The following RORA variants were observed in gnomAD, a reference collection of about 807,000 sequenced individuals.
The protein encoded by RORA is RAR related orphan receptor A.
In RORA, 7 loss-of-function variants were observed where a neutral mutation model predicts 69.5. That is an observed-to-expected ratio of 0.10 (90% CI 0.06 to 0.19). The LOEUF (loss-of-function observed/expected upper bound fraction) is 0.19. RORA is among the 10% of genes least tolerant of loss of function. The pLI, the probability that RORA is intolerant of heterozygous loss-of-function variation, is 1.00. For synonymous variants in RORA, 261 were observed against 240.8 expected, an observed-to-expected ratio of 1.08 and a Z score of -0.78; for missense variants, 457 against 663.0, an observed-to-expected ratio of 0.69 and a Z score of 3.41.
chr15:60,523,834 G>A lies in RORA; in HGVS notation c.282+7932C>T, dbSNP rs143274473. Among the ~76,000 whole-genome samples, 953 of 152,264 alleles carry A rather than the reference G, an allele frequency of 6.3e-3. 11 individuals carry two copies. Among genetic ancestry groups the A allele is most frequent in the Middle Eastern group, 0.034 (10 of 294 alleles). ...CCACAGGTGTATGCCATCATGCCTG[G>A]CTAATTTTTAAATTTTTTGTAGAGG... is the stretch of plus-strand genomic sequence containing the variant. On this transcript the variant is annotated intron_variant, in intron 3 of 10. Transcript: ENST00000335670.
chr15:61,027,622 C>T (rs28475255), intron 1 of RORA, among the ~76,000 whole-genome samples: 10,396 of 152,172 alleles, frequency 0.068, 383 homozygotes, highest in East Asian at 0.15. Flanking sequence ...GTCCTCTGCT[C>T]TGTTACAACA....
At chr15:61,037,924 C>T (rs1220441428) in intron 1 of RORA, among the ~76,000 whole-genome samples, 1 of 152,100 alleles carries the variant, frequency 6.6e-6, no homozygotes, top group Non-Finnish European at 1.5e-5. Context: ...TAAGGCAAGC[C>T]TATGAAATTG....
At chr15:60,988,018 C>T (rs972747484) in intron 1 of RORA, among the ~76,000 whole-genome samples, 3 of 152,218 alleles carry the variant, frequency 2.0e-5, no homozygotes, top group African/African-American at 7.2e-5. Context: ...GCTTGGCCTG[C>T]TGTCCCCTGG....
chr15:61,108,033 C>T (rs1045103839), intron 1 of RORA, among the ~76,000 whole-genome samples: 2 of 152,140 alleles, frequency 1.3e-5, no homozygotes, highest in Non-Finnish European at 1.5e-5. Context: ...TCCTGTTCAG[C>T]GATAACCCTT....
At chr15:61,198,119 A>G (rs2140923211) in intron 1 of RORA, among the ~76,000 whole-genome samples, 1 of 152,282 alleles carries the variant, frequency 6.6e-6, no homozygotes, top group Non-Finnish European at 1.5e-5. Context: ...GGGGATCCCA[A>G]ACAACTCAGC....
intron 1 of RORA, among the ~76,000 whole-genome samples, chr15:61,218,901 A>G (rs763783805): frequency 2.6e-5 from 4 of 152,228 alleles, no homozygotes; most frequent in Non-Finnish European, 5.9e-5. Flanking sequence ...GTACAGCCTT[A>G]AATCCTCTAC....
chr15:61,153,193 G>C (rs958723943), intron 1 of RORA, among the ~76,000 whole-genome samples: 16 of 152,280 alleles, frequency 1.1e-4, no homozygotes, highest in Non-Finnish European at 1.2e-4. Flanking sequence ...GCAGGTTGGA[G>C]CCCCAAGGAG....
intron 1 of RORA, among the ~76,000 whole-genome samples, chr15:60,869,854 T>C (rs1375290090): frequency 1.3e-5 from 2 of 152,182 alleles, no homozygotes; most frequent in Non-Finnish European, 2.9e-5. Flanking sequence ...GGCTTGGTAG[T>C]GCATCACTGT....
intron 1 of RORA, among the ~76,000 whole-genome samples, chr15:61,162,550 G>A (rs972269863): frequency 4.6e-5 from 7 of 152,204 alleles, no homozygotes; most frequent in East Asian, 1.9e-4. Context: ...GGTGACAGCC[G>A]TCCATGGCCC....
intron 2 of RORA, among the ~76,000 whole-genome samples, chr15:60,655,035 G>T (rs2070199520): frequency 6.6e-6 from 1 of 152,130 alleles, no homozygotes; most frequent in Non-Finnish European, 1.5e-5. Flanking sequence ...ACCACTTACT[G>T]CATCTCTTAT....
At chr15:61,209,110 G>C (rs550696301) in intron 1 of RORA, among the ~76,000 whole-genome samples, 2 of 152,262 alleles carry the variant, frequency 1.3e-5, no homozygotes, top group East Asian at 3.9e-4. Flanking sequence ...AGCTCTAAAA[G>C]CCTCACTGCT....
intron 1 of RORA, among the ~76,000 whole-genome samples, chr15:60,755,691 C>T (rs1356369181): frequency 2.0e-5 from 3 of 152,188 alleles, no homozygotes; most frequent in African/African-American, 7.2e-5. Context: ...TTTCCACAAA[C>T]CCAACACATA....
chr15:61,023,625 T>C (rs1168408835), intron 1 of RORA, among the ~76,000 whole-genome samples: 1 of 152,224 alleles, frequency 6.6e-6, no homozygotes, highest in African/African-American at 2.4e-5. Context: ...TCAAGATCAG[T>C]TAGAAACCTT....
intron 2 of RORA, among the ~76,000 whole-genome samples, chr15:60,543,448 G>A (rs944770000): frequency 6.6e-6 from 1 of 151,822 alleles, no homozygotes; most frequent in African/African-American, 2.4e-5. Context: ...CATAGTAAGG[G>A]CTCCATAAAT....
At chr15:60,899,889 CA>C (rs1891338575) in intron 1 of RORA, among the ~76,000 whole-genome samples, 1 of 152,080 alleles carries the variant, frequency 6.6e-6, no homozygotes, top group Non-Finnish European at 1.5e-5. Flanking sequence ...CTAATACAGC[CA>C]ATATAGCAGA....
chr15:61,079,357 G>A (rs868193007), intron 1 of RORA, among the ~76,000 whole-genome samples: 7 of 152,186 alleles, frequency 4.6e-5, no homozygotes, highest in Admixed American at 6.5e-5. Flanking sequence ...TTGCCAGATC[G>A]TAGACACAGT....
chr15:60,517,122 T>A (rs1235369930), intron 3 of RORA, among the ~76,000 whole-genome samples: 1 of 151,404 alleles, frequency 6.6e-6, no homozygotes, highest in Non-Finnish European at 1.5e-5. Context: ...TTTTTTTTTT[T>A]TCCCCCCTAC....
At chr15:61,135,754 C>T (rs540373571) in intron 1 of RORA, among the ~76,000 whole-genome samples, 1 of 152,254 alleles carries the variant, frequency 6.6e-6, no homozygotes, top group South Asian at 2.1e-4. Context: ...ATATGATAAG[C>T]TAGCCCATTG....
intron 1 of RORA, among the ~76,000 whole-genome samples, chr15:60,801,651 C>T (rs151201011): frequency 5.7e-4 from 87 of 152,296 alleles, no homozygotes; most frequent in African/African-American, 1.9e-3. Context: ...TCAAATGCCC[C>T]CAGTGCAGCC....
Sources: gnomAD v4.1 joint callset for allele counts (sites outside exome capture counted in the v4.1 genomes callset) on GRCh38, gnomAD v4.1.1 for gene constraint, MANE v1.5 for transcripts, NCBI Gene and HGNC (gene_info 2026-07-23, HGNC 2026-07-21) for gene names.